SPAG16: variants seen among roughly 807,000 people sequenced by gnomAD.
The protein encoded by SPAG16 is sperm-associated antigen 16 protein.
A neutral mutation model predicts 80.4 loss-of-function variants in SPAG16; 86 were observed. The observed-to-expected ratio is 1.07, with a 90% CI of 0.90 to 1.28. The LOEUF (loss-of-function observed/expected upper bound fraction) is 1.28, where lower values mean the gene tolerates loss of function less well. Ranked by LOEUF, SPAG16 falls within the 50% of genes most tolerant of loss-of-function variation. SPAG16 has a pLI of 0.00. For synonymous variants in SPAG16, 294 were observed against 265.9 expected (o/e 1.11, Z -1.03); for missense variants, 870 against 765.3 (o/e 1.14, Z -1.61).
At chr2:213,588,802 C>T (rs1477450289) in intron 10 of SPAG16, among the ~76,000 whole-genome samples, 1 of 71,544 alleles carries the variant, frequency 1.4e-5, no homozygotes, top group Non-Finnish European at 2.7e-5. Flanking sequence ...GAGCGAGACT[C>T]CGTCTCAAAA....
intron 10 of SPAG16, among the ~76,000 whole-genome samples, chr2:213,859,165 C>A (rs1177268885): frequency 1.2e-5 from 1 of 86,850 alleles, no homozygotes; most frequent in African/African-American, 4.3e-5. Flanking sequence ...GGCAACAGAG[C>A]GACACTCCGT....
chr2:213,985,085 A>G (rs2045939065), intron 12 of SPAG16, among the ~76,000 whole-genome samples: 1 of 152,088 alleles, frequency 6.6e-6, no homozygotes, highest in Non-Finnish European at 1.5e-5. Context: ...GCTCTAGGAG[A>G]GGAGTAGTTT....
At chr2:213,838,122 A>AT (rs569205904) in intron 10 of SPAG16, among the ~76,000 whole-genome samples, 5 of 152,002 alleles carry the variant, frequency 3.3e-5, no homozygotes, top group Non-Finnish European at 7.4e-5. Flanking sequence ...GAAAAAAAAA[A>AT]GAAAGAGACA....
intron 9 of SPAG16, among the ~76,000 whole-genome samples, chr2:213,432,631 A>T (rs1403399243): frequency 1.3e-5 from 2 of 152,056 alleles, no homozygotes; most frequent in African/African-American, 4.8e-5. Context: ...AGCCCAGGAG[A>T]AGATAGTTTG....
At chr2:213,521,548 C>T (rs2075669754) in intron 10 of SPAG16, among the ~76,000 whole-genome samples, 1 of 152,116 alleles carries the variant, frequency 6.6e-6, no homozygotes, top group Non-Finnish European at 1.5e-5. Context: ...TTCTTGTGTC[C>T]AATCCATGTT....
intron 15 of SPAG16, among the ~76,000 whole-genome samples, chr2:214,400,140 C>A (rs895337362): frequency 6.6e-6 from 1 of 152,040 alleles, no homozygotes; most frequent in Non-Finnish European, 1.5e-5. Flanking sequence ...CATTCATGCT[C>A]TCCTAATAGG....
intron 15 of SPAG16, among the ~76,000 whole-genome samples, chr2:214,357,882 G>A (rs919086002): frequency 2.6e-5 from 4 of 151,898 alleles, no homozygotes; most frequent in Non-Finnish European, 4.4e-5. Context: ...CAAGTAAAAT[G>A]TCAAACTATT....
chr2:214,103,161 C>G (rs1333237215), intron 13 of SPAG16, among the ~76,000 whole-genome samples: 1 of 152,172 alleles, frequency 6.6e-6, no homozygotes. Context: ...GCCCAAGAAG[C>G]TGCTTCTCCC....
intron 9 of SPAG16, among the ~76,000 whole-genome samples, chr2:213,457,049 A>G (rs1442683919): frequency 2.0e-5 from 3 of 149,238 alleles, no homozygotes; most frequent in Non-Finnish European, 3.0e-5. Flanking sequence ...CCCTTTCATT[A>G]TTCATCTGCC....
At chr2:214,333,873 T>G (rs1414133683) in intron 15 of SPAG16, among the ~76,000 whole-genome samples, 1 of 152,220 alleles carries the variant, frequency 6.6e-6, no homozygotes, top group African/African-American at 2.4e-5. Context: ...ATCTCCAGAT[T>G]TCACCATGTA....
At chr2:214,178,007 A>G (rs1214803547) in intron 15 of SPAG16, among the ~76,000 whole-genome samples, 2 of 47,566 alleles carry the variant, frequency 4.2e-5, no homozygotes, top group Non-Finnish European at 1.5e-4. Flanking sequence ...ATATATATAT[A>G]TATATTCATA....
At chr2:213,903,956 A>T (rs569836743) in intron 11 of SPAG16, among the ~76,000 whole-genome samples, 9 of 152,254 alleles carry the variant, frequency 5.9e-5, no homozygotes, top group Admixed American at 2.0e-4. Context: ...CTAAAACATA[A>T]CAAGAGTCAC....
chr2:213,744,671 A>G (rs979290179), intron 10 of SPAG16, among the ~76,000 whole-genome samples: 13 of 152,228 alleles, frequency 8.5e-5, no homozygotes, highest in African/African-American at 3.1e-4. Flanking sequence ...ATAATAAAAC[A>G]CTGGGAGAAG....
At chr2:213,712,121 A>G (rs1362474938) in intron 10 of SPAG16, among the ~76,000 whole-genome samples, 2 of 152,106 alleles carry the variant, frequency 1.3e-5, no homozygotes, top group Non-Finnish European at 2.9e-5. Context: ...TGATATGGCC[A>G]TGGATGTATA....
rs1209044748 is a variant in SPAG16, at chr2:214,354,134, A to C, written c.1721-56006A>C. On this transcript the variant is annotated intron_variant, in intron 15 of 15. Coordinates refer to ENST00000331683, the MANE Select transcript of SPAG16 (RefSeq NM_024532.5). ...TATATACCTACTATGTACCCCAAAA[A>C]ATTAAAATAAAAAAATCAAAAAAAT... Among the ~76,000 whole-genome samples, 7 of 152,088 alleles carry C rather than the reference A, an allele frequency of 4.6e-5. 1 individual carries two copies. In the South Asian group the frequency reaches 1.5e-3, roughly 32 times the overall value.
intron 9 of SPAG16, among the ~76,000 whole-genome samples, chr2:213,393,241 G>T (rs2067860300): frequency 6.6e-6 from 1 of 151,516 alleles, no homozygotes; most frequent in Non-Finnish European, 1.5e-5. Context: ...GAAAACTTTG[G>T]TCATTATAAA....
At chr2:214,127,298 C>T (rs535320802) in intron 14 of SPAG16, among the ~76,000 whole-genome samples, 70 of 151,808 alleles carry the variant, frequency 4.6e-4, no homozygotes, top group Non-Finnish European at 9.3e-4. Flanking sequence ...AGTGCAGTAT[C>T]AACTGTGGCT....
chr2:213,380,394 C>A (rs949591509), intron 9 of SPAG16, among the ~76,000 whole-genome samples: 1 of 152,152 alleles, frequency 6.6e-6, no homozygotes, highest in African/African-American at 2.4e-5. Flanking sequence ...CCCATGATGC[C>A]ATCAGTGCAA....
chr2:214,154,184 A>G (rs186042138), intron 15 of SPAG16, among the ~76,000 whole-genome samples: 1 of 152,336 alleles, frequency 6.6e-6, no homozygotes, highest in East Asian at 1.9e-4. Flanking sequence ...AGTAATAAAA[A>G]TGAACCATGA....
Sources: gnomAD v4.1 joint callset for allele counts (sites outside exome capture counted in the v4.1 genomes callset) on GRCh38, gnomAD v4.1.1 for gene constraint, MANE v1.5 for transcripts, NCBI Gene and HGNC (gene_info 2026-07-23, HGNC 2026-07-21) for gene names.